MOB3B: variants seen among roughly 807,000 people sequenced by gnomAD.
MOB3B encodes MOB kinase activator-like 2B.
In MOB3B, 7 loss-of-function variants were observed where a neutral mutation model predicts 18.7. That is an observed-to-expected ratio of 0.37 (90% confidence interval 0.21 to 0.70). MOB3B has a LOEUF of 0.70. MOB3B is among the 30% of genes least tolerant of loss of function. The pLI, the probability that MOB3B is intolerant of heterozygous loss-of-function variation, is 0.52. For missense variants in MOB3B, 253 were observed against 281.3 expected, an observed-to-expected ratio of 0.90 and a Z score of 0.72; for synonymous variants, 111 against 99.9, an observed-to-expected ratio of 1.11 and a Z score of -0.66.
At position 27,426,170 on chromosome 9, in the gene MOB3B, A is replaced by G. The variant is rs912892365; in HGVS notation, c.418+28963T>C. ...GACACAGAGACTTAGTAAGCCAGGA[A>G]GTGGCAAAACTGGGATTCCAACCTA... On this transcript the variant is annotated intron_variant, in intron 2 of 3. Transcript: ENST00000262244. Among the ~76,000 whole-genome samples, 4 of 152,170 alleles carry G rather than the reference A, an allele frequency of 2.6e-5. No homozygotes were observed. The East Asian group carries it at 5.8e-4, about 22-fold the overall frequency.
chr9:27,331,029 T>C (rs989172038), intron 3 of MOB3B, among the ~76,000 whole-genome samples: 1 of 152,180 alleles, frequency 6.6e-6, no homozygotes, highest in African/African-American at 2.4e-5. Context: ...GTAATTGGAT[T>C]TGGACTGCTA....
chr9:27,331,824 C>T (rs1034854911), intron 3 of MOB3B, among the ~76,000 whole-genome samples: 2 of 152,102 alleles, frequency 1.3e-5, no homozygotes, highest in Admixed American at 6.6e-5. Flanking sequence ...TAGGAAACAT[C>T]GAGAAAAAGG....
chr9:27,383,959 C>T (rs1821615185), intron 2 of MOB3B, among the ~76,000 whole-genome samples: 2 of 152,188 alleles, frequency 1.3e-5, no homozygotes, highest in Admixed American at 1.3e-4. Flanking sequence ...GCCATTTACT[C>T]AAGCCCCTTC....
At chr9:27,378,718 A>C (rs1224313608) in intron 2 of MOB3B, 1 of 470,710 alleles carries the variant, frequency 2.1e-6, no homozygotes, top group Non-Finnish European at 4.4e-6. Context: ...TTGCATGTGC[A>C]TGGGCAGAGC....
Position 27,464,193 on chromosome 9 carries a change from G to A in MOB3B, c.-198-8445C>T, listed in dbSNP as rs192418506. ...CAGTTCAATGCAAATGTGTGTTTAC[G>A]AATAAGAAATAGGCAGGAGGTGGTA... On this transcript the variant is annotated intron_variant, in intron 1 of 3. Transcript: ENST00000262244. Among the ~76,000 whole-genome samples the A allele has an allele frequency of 4.2e-3, 638 of 152,184 alleles. 1 individual carries two copies. Among genetic ancestry groups the A allele is most frequent in the African/African-American group, 0.014 (591 of 41,500 alleles).
chr9:27,417,410 G>A (rs1822169343), intron 2 of MOB3B, among the ~76,000 whole-genome samples: 1 of 131,652 alleles, frequency 7.6e-6, no homozygotes, highest in Non-Finnish European at 1.7e-5. Context: ...CAAACAAAAC[G>A]TCAAATGCCT....
chr9:27,480,776 A>G (rs1819636759), intron 1 of MOB3B, among the ~76,000 whole-genome samples: 1 of 152,208 alleles, frequency 6.6e-6, no homozygotes, highest in Admixed American at 6.5e-5. Flanking sequence ...AAAGGGGGAA[A>G]AAGAATACTC....
At chr9:27,378,408 G>A (rs772570717) in intron 2 of MOB3B, 11 of 471,454 alleles carry the variant, frequency 2.3e-5, no homozygotes, top group Non-Finnish European at 4.0e-5. Flanking sequence ...GTGAACAGGA[G>A]GCAAAGCTGG....
At chr9:27,390,721 T>C (rs1821716166) in intron 2 of MOB3B, among the ~76,000 whole-genome samples, 1 of 152,036 alleles carries the variant, frequency 6.6e-6, no homozygotes, top group South Asian at 2.1e-4. Flanking sequence ...AATCAGAGGG[T>C]GCAATGGACT....
chr9:27,422,658 G>C (rs914786287), intron 2 of MOB3B, among the ~76,000 whole-genome samples: 1 of 152,210 alleles, frequency 6.6e-6, no homozygotes. Flanking sequence ...CATGAGATCA[G>C]TCTCTGATGA....
intron 1 of MOB3B, among the ~76,000 whole-genome samples, chr9:27,474,709 T>C (rs992005426): frequency 1.3e-5 from 2 of 152,244 alleles, no homozygotes; most frequent in African/African-American, 4.8e-5. Context: ...TGAGGAGCTA[T>C]AGCCTCTCCT....
At chr9:27,335,994 G>T (rs1170095013) in intron 3 of MOB3B, among the ~76,000 whole-genome samples, 1 of 152,188 alleles carries the variant, frequency 6.6e-6, no homozygotes, top group Non-Finnish European at 1.5e-5. Context: ...CCAATGAAAA[G>T]GAACACTTAT....
At chr9:27,372,570 A>G (rs926078072) in intron 2 of MOB3B, among the ~76,000 whole-genome samples, 1 of 152,190 alleles carries the variant, frequency 6.6e-6, no homozygotes, top group Non-Finnish European at 1.5e-5. Context: ...ACAGTGATCA[A>G]TCGTGTTCAT....
intron 1 of MOB3B, among the ~76,000 whole-genome samples, chr9:27,498,960 T>C (rs766720319): frequency 6.6e-6 from 1 of 152,216 alleles, no homozygotes; most frequent in African/African-American, 2.4e-5. Flanking sequence ...AAGAAGAGGA[T>C]CTTAACACAA....
chr9:27,500,776 C>T (rs947661004), intron 1 of MOB3B, among the ~76,000 whole-genome samples: 1 of 152,150 alleles, frequency 6.6e-6, no homozygotes, highest in African/African-American at 2.4e-5. Context: ...AGAGCTTCTG[C>T]ACAGCAAAAG....
chr9:27,392,279 T>A (rs1375191595), intron 2 of MOB3B, among the ~76,000 whole-genome samples: 1 of 152,176 alleles, frequency 6.6e-6, no homozygotes, highest in Admixed American at 6.5e-5. Context: ...TTCTTGAACA[T>A]CATTGAAGCT....
rs566115621 is a variant in MOB3B, at chr9:27,402,251, T to C, written c.419-43015A>G. ...AAAAATTAGGCAGGTCATAATGTTA[T>C]ATGCTCCCCCGATCAGAGGACCTTT... is the stretch of plus-strand genomic sequence containing the variant. On this transcript the variant is annotated intron_variant, in intron 2 of 3. Transcript: ENST00000262244. Among the ~76,000 whole-genome samples the C allele has an allele frequency of 5.9e-5, 9 of 152,356 alleles. No homozygotes were observed. In the South Asian group the frequency reaches 8.3e-4, roughly 14 times the overall value.
chr9:27,478,172 C>G, intron 1 of MOB3B, among the ~76,000 whole-genome samples: 1 of 152,122 alleles, frequency 6.6e-6, no homozygotes, highest in East Asian at 1.9e-4. Flanking sequence ...AAAATGTTCC[C>G]AGAACCAGGG....
intron 2 of MOB3B, among the ~76,000 whole-genome samples, chr9:27,428,609 G>A (rs1458731872): frequency 6.6e-6 from 1 of 152,216 alleles, no homozygotes; most frequent in African/African-American, 2.4e-5. Flanking sequence ...TAAACAGAAG[G>A]AAGTTATTTT....
Sources: gnomAD v4.1 joint callset for allele counts (sites outside exome capture counted in the v4.1 genomes callset) on GRCh38, gnomAD v4.1.1 for gene constraint, MANE v1.5 for transcripts, NCBI Gene and HGNC (gene_info 2026-07-23, HGNC 2026-07-21) for gene names.